Variants in LNX1 observed in about 807,000 individuals in gnomAD.
The protein encoded by LNX1 is ligand of numb-protein X 1, also known as E3 ubiquitin-protein ligase LNX.
LNX1 carries 54 observed loss-of-function variants against 68.4 expected under a neutral mutation model. The ratio of observed to expected loss-of-function variants is 0.79; its 90% confidence interval spans 0.63 to 0.99. The LOEUF (loss-of-function observed/expected upper bound fraction) is 0.99, where lower values mean the gene tolerates loss of function less well. LNX1 is among the 50% of genes least tolerant of loss of function. The pLI, the probability that LNX1 is intolerant of heterozygous loss-of-function variation, is 0.00. For synonymous variants in LNX1, 336 were observed against 350.0 expected, an observed-to-expected ratio of 0.96 and a Z score of 0.45; for missense variants, 906 against 926.4, an observed-to-expected ratio of 0.98 and a Z score of 0.29.
chr4:53,627,648 AT>A (rs577445334), intron 1 of LNX1, among the ~76,000 whole-genome samples: 138 of 152,304 alleles, frequency 9.1e-4, no homozygotes, highest in African/African-American at 3.3e-3. Context: ...GAGGTGAGTA[AT>A]TTTTCTCCTT....
At position 53,478,602 on chromosome 4, in the gene LNX1, G is replaced by A. The variant is rs144424207; in HGVS notation, c.1626C>T (p.Pro542=). The part of the protein sequence containing the change: ...DLPIYVISVE[P]GGVISRDGRI... Reference sequence around the variant, plus strand: ...TTCCATCTCTGCTTATGACTCCTCCGGGCTCAACACTGATGACATAGATAG... The same window carrying A: ...TTCCATCTCTGCTTATGACTCCTCCAGGCTCAACACTGATGACATAGATAG... Residue 542 remains proline, a synonymous_variant, in exon 8 of 11, where the codon CCC becomes CCT. Transcript: ENST00000263925. 396 of 1,612,786 alleles carry A rather than the reference G, an allele frequency of 2.5e-4. 1 individual carries two copies. In the East Asian group the frequency reaches 7.5e-3, roughly 31 times the overall value.
chr4:53,612,234 A>G (rs1733523593), intron 2 of LNX1, among the ~76,000 whole-genome samples: 1 of 152,192 alleles, frequency 6.6e-6, no homozygotes, highest in African/African-American at 2.4e-5. Context: ...TGTAACACTT[A>G]TTGCTGGCAG....
At chr4:53,502,645 T>C (rs1725589636) in intron 4 of LNX1, among the ~76,000 whole-genome samples, 1 of 152,202 alleles carries the variant, frequency 6.6e-6, no homozygotes, top group Non-Finnish European at 1.5e-5. Flanking sequence ...GAACTGACTC[T>C]CGTGAAAGAT....
In LNX1 at chr4:53,573,724, C is replaced by T. The variant is rs754299383; in HGVS notation, c.279G>A (p.Leu93=). ...GTAGCTTGTTGAGGAGTTTGTTGACCAGGATGCTGGACTTCTTGCAGTGCT... is the reference window on the plus strand; with the variant it reads ...GTAGCTTGTTGAGGAGTTTGTTGACTAGGATGCTGGACTTCTTGCAGTGCT... ...VLQHCKKSSI[L]VNKLLNKLLV... The change falls in exon 2 of 11, where the codon CTG becomes CTA. Residue 93 remains leucine, a synonymous_variant. Transcript: ENST00000263925. 6.1e-5 allele frequency: 98 copies of T among 1,611,200 alleles called. 1 individual carries two copies. In the Middle Eastern group the frequency reaches 1.8e-3, roughly 30 times the overall value.
chr4:53,648,328 T>C (rs960479307), intron 1 of LNX1, among the ~76,000 whole-genome samples: 4 of 152,216 alleles, frequency 2.6e-5, no homozygotes, highest in South Asian at 2.1e-4. Flanking sequence ...TGGTATCTCA[T>C]TGTGGTTTTT....
chr4:53,613,685 C>T (rs1351631027), intron 2 of LNX1, among the ~76,000 whole-genome samples: 1 of 152,178 alleles, frequency 6.6e-6, no homozygotes, highest in Admixed American at 6.5e-5. Context: ...ATATATGCCA[C>T]ATTTTCTTTA....
intron 5 of LNX1, among the ~76,000 whole-genome samples, 168 bp downstream of exon 5, chr4:53,498,473 G>C (rs1433011424): frequency 6.6e-6 from 1 of 152,056 alleles, no homozygotes; most frequent in Non-Finnish European, 1.5e-5. Flanking sequence ...GAGAAACAAA[G>C]ATCTCAATTA....
chr4:53,591,282 C>T (rs1380047559), intron 1 of LNX1, 106 bp downstream of exon 1: 2 of 651,510 alleles, frequency 3.1e-6, no homozygotes, highest in East Asian at 1.4e-4. Flanking sequence ...CAAACACTAG[C>T]GACAAGCCGT....
chr4:53,461,158 A>ACTT (rs1722022666), intron 10 of LNX1, 116 bp from the exon 11 acceptor site: 1 of 829,426 alleles, frequency 1.2e-6, no homozygotes, highest in Non-Finnish European at 1.8e-6. Context: ...AATTATGTTA[A>ACTT]CTTCTAATTG....
chr4:53,486,907 GA>G, intron 6 of LNX1, among the ~76,000 whole-genome samples: 1 of 149,910 alleles, frequency 6.7e-6, no homozygotes, highest in Non-Finnish European at 1.5e-5. Context: ...ACTAAGAGAA[GA>G]AAAACATAGT....
At chr4:53,586,263 T>C (rs1461649817) in intron 1 of LNX1, among the ~76,000 whole-genome samples, 3 of 152,038 alleles carry the variant, frequency 2.0e-5, no homozygotes, top group Admixed American at 6.6e-5. Flanking sequence ...TTCATGCGAG[T>C]ATGCAGGAGC....
chr4:53,620,576 A>G (rs367772068), upstream of LNX1, among the ~76,000 whole-genome samples: 12 of 152,328 alleles, frequency 7.9e-5, no homozygotes, highest in Admixed American at 4.6e-4. Flanking sequence ...ACTGTGGACC[A>G]GAAGCAGTTG....
At chr4:53,483,950 A>G (rs1345260926) in intron 6 of LNX1, among the ~76,000 whole-genome samples, 1 of 152,208 alleles carries the variant, frequency 6.6e-6, no homozygotes, top group African/African-American at 2.4e-5. Flanking sequence ...ATTTGGAGGT[A>G]GGGCCTTTGG....
chr4:53,645,706 T>C (rs1160058600), intron 1 of LNX1, among the ~76,000 whole-genome samples: 3 of 152,220 alleles, frequency 2.0e-5, no homozygotes, highest in Non-Finnish European at 2.9e-5. Context: ...CTGCATTATC[T>C]TGGCCTCTCA....
At chr4:53,576,951 G>A (rs1339978073) in intron 1 of LNX1, among the ~76,000 whole-genome samples, 1 of 152,232 alleles carries the variant, frequency 6.6e-6, no homozygotes, top group African/African-American at 2.4e-5. Context: ...ATGCCTGAGA[G>A]GACACTCTAG....
At chr4:53,623,980 A>G (rs557512646) in intron 1 of LNX1, among the ~76,000 whole-genome samples, 28 of 152,186 alleles carry the variant, frequency 1.8e-4, no homozygotes, top group African/African-American at 6.3e-4. Context: ...TTATTCCTCA[A>G]AAGAATATAG....
intron 2 of LNX1, among the ~76,000 whole-genome samples, chr4:53,613,705 T>C (rs1733582409): frequency 6.6e-6 from 1 of 152,236 alleles, no homozygotes; most frequent in African/African-American, 2.4e-5. Context: ...ATCCAGTCTA[T>C]GATTGATGGG....
chr4:53,478,406 G>A (rs6820658), intron 8 of LNX1, among the ~76,000 whole-genome samples, 159 bp downstream of exon 8: 18,700 of 151,360 alleles, frequency 0.12, 1,241 homozygotes, highest in East Asian at 0.16. Flanking sequence ...ACCTGGTCTA[G>A]TATCTATACT....
chr4:53,610,188 A>C (rs1733423990), intron 2 of LNX1, among the ~76,000 whole-genome samples: 1 of 152,174 alleles, frequency 6.6e-6, no homozygotes. Flanking sequence ...AGAAAACTTG[A>C]GCAAATTCAG....
Sources: gnomAD v4.1 joint callset for allele counts (sites outside exome capture counted in the v4.1 genomes callset) on GRCh38, gnomAD v4.1.1 for gene constraint, MANE v1.5 for transcripts, NCBI Gene and HGNC (gene_info 2026-07-23, HGNC 2026-07-21) for gene names.